GRK2: variants seen among roughly 807,000 people sequenced by gnomAD.
The protein encoded by GRK2 is G protein-coupled receptor kinase 2.
Under a neutral mutation model 97.8 loss-of-function variants are expected in GRK2, and 23 were observed. That is an observed-to-expected ratio of 0.24 (90% CI 0.17 to 0.33). The LOEUF (loss-of-function observed/expected upper bound fraction) is 0.33, where lower values mean the gene tolerates loss of function less well. GRK2 is among the 10% of genes least tolerant of loss of function. GRK2 has a pLI of 1.00. For synonymous variants in GRK2, 425 were observed against 381.7 expected, an observed-to-expected ratio of 1.11 and a Z score of -1.32; for missense variants, 633 against 956.9, an observed-to-expected ratio of 0.66 and a Z score of 4.47.
At chr11:67,274,008 C>A (rs1295974707) in intron 1 of GRK2, among the ~76,000 whole-genome samples, 1 of 147,876 alleles carries the variant, frequency 6.8e-6, no homozygotes, top group Non-Finnish European at 1.5e-5. Context: ...CAAACTGGCA[C>A]CTTTTTTTTT....
chr11:67,283,879 G>A lies in GRK2; in HGVS notation c.1421G>A (p.Arg474Gln), dbSNP rs779178115. ...TACCCTCCCCCGCTGATCCCCCCAC[G>A]AGGGGAGGTGAACGCGGCCGACGCC... ...QKYPPPLIPP[R>Q]GEVNAADAFD... The change falls in exon 17 of 21, where the codon CGA (arginine) becomes CAA (glutamine). Residue 474 changes from arginine to glutamine, a missense_variant. Coordinates refer to ENST00000308595, the MANE Select transcript of GRK2 (RefSeq NM_001619.5). 7 of 1,613,020 alleles carry A rather than the reference G, an allele frequency of 4.3e-6. No individual in the cohort carries two copies. Among genetic ancestry groups the A allele is most frequent in the East Asian group, 4.5e-5 (2 of 44,878 alleles).
intron 2 of GRK2, among the ~76,000 whole-genome samples, chr11:67,277,877 T>A (rs1860068758): frequency 6.6e-6 from 1 of 152,196 alleles, no homozygotes. Context: ...GGGGCAGGTC[T>A]CGGGAAGCAG....
chr11:67,275,334 TG>T (rs895379528), intron 1 of GRK2, among the ~76,000 whole-genome samples: 55 of 152,350 alleles, frequency 3.6e-4, no homozygotes, highest in African/African-American at 1.3e-3. Context: ...CCGCACTGTC[TG>T]GAGCTGCTCT....
Position 67,284,237 on chromosome 11 carries a change from C to T in GRK2, c.1518C>T (p.Tyr506=). ...IKLLDSDQEL[Y]RNFPLTISER... is the part of the protein sequence containing the mutation. Reference sequence around the variant, plus strand: ...TACTGGACAGTGATCAGGAGCTCTACCGCAACTTCCCCCTCACCATCTCGG... The same window carrying T: ...TACTGGACAGTGATCAGGAGCTCTATCGCAACTTCCCCCTCACCATCTCGG... Residue 506 remains tyrosine, a synonymous_variant, in exon 18 of 21, where the codon TAC becomes TAT. Transcript: ENST00000308595. 1 of 1,613,690 alleles carries T rather than the reference C, an allele frequency of 6.2e-7. No individual in the cohort carries two copies. Among genetic ancestry groups the T allele is most frequent in the Non-Finnish European group, 8.5e-7 (1 of 1,180,002 alleles).
intron 1 of GRK2, among the ~76,000 whole-genome samples, chr11:67,272,289 C>T (rs1859927990): frequency 6.6e-6 from 1 of 152,142 alleles, no homozygotes; most frequent in Non-Finnish European, 1.5e-5. Context: ...GGAGGGTGCT[C>T]TAGTGGAGGC....
At chr11:67,267,975 G>A (rs1239139035) in intron 1 of GRK2, among the ~76,000 whole-genome samples, 2 of 152,192 alleles carry the variant, frequency 1.3e-5, no homozygotes, top group East Asian at 1.9e-4. Flanking sequence ...AGACGTGCCC[G>A]CCACGATTCT....
intron 15 of GRK2, 38 bp from the exon 16 acceptor site, chr11:67,283,669 G>C (rs1479539235): frequency 6.2e-7 from 1 of 1,605,040 alleles, no homozygotes; most frequent in Non-Finnish European, 8.5e-7. Context: ...CGGGACTCAG[G>C]GTGGGGCTGA....
intron 6 of GRK2, 83 bp downstream of exon 6, chr11:67,279,983 C>A: frequency 7.0e-7 from 1 of 1,418,998 alleles, no homozygotes; most frequent in Non-Finnish European, 9.9e-7. Context: ...AGGGCAGAAG[C>A]CAGCCTTCAT....
chr11:67,271,902 G>C (rs1029932021), intron 1 of GRK2, among the ~76,000 whole-genome samples: 2 of 152,208 alleles, frequency 1.3e-5, no homozygotes, highest in African/African-American at 4.8e-5. Context: ...TGGTTTCCTG[G>C]AAATGCCACA....
chr11:67,279,876 A>G lies in GRK2; in HGVS notation c.479A>G (p.Asp160Gly), dbSNP rs761569320. The G allele has an allele frequency of 6.2e-7, 1 of 1,613,914 alleles. No individual in the cohort carries two copies. Among genetic ancestry groups the G allele is most frequent in the Admixed American group, 1.7e-5 (1 of 60,024 alleles). ...IEEICQNLRGDVFQKFIESDK... is the reference protein window; with the variant it reads ...IEEICQNLRGGVFQKFIESDK... Reference sequence around the variant, plus strand: ...GAGATTTGTCAAAACCTCCGAGGGGACGTGTTCCAGAAATTCATTGAGAGG... The same window carrying G: ...GAGATTTGTCAAAACCTCCGAGGGGGCGTGTTCCAGAAATTCATTGAGAGG... Residue 160 changes from aspartate to glycine, a missense_variant, in exon 6 of 21, where the codon GAC becomes GGC. Physicochemically the swap from Asp to Gly is moderately conservative, Grantham distance 94. Around this residue, in one of 4 missense-constraint regions of GRK2, gnomAD observed 193 missense variants for 212.2 expected, o/e 0.91. Coordinates refer to ENST00000308595, the MANE Select transcript of GRK2 (RefSeq NM_001619.5).
At position 67,286,459 on chromosome 11, in the gene GRK2, G is replaced by A. The variant is rs1022561615; in HGVS notation, c.*1009G>A. 26 of 700,502 alleles carry A rather than the reference G, an allele frequency of 3.7e-5. No homozygotes were observed. Among genetic ancestry groups the A allele is most frequent in the African/African-American group, 1.2e-4 (7 of 57,172 alleles). 43.4% of individuals were successfully genotyped at this position (700,502 alleles called of 1,614,324 possible). A position where few individuals can be genotyped will look rare whatever the true frequency, so the allele number is the denominator to read the frequency against. On this transcript the variant is annotated 3_prime_UTR_variant, in exon 21 of 21. Transcript: ENST00000308595. The stretch of plus-strand genomic sequence containing the variant: ...CTGGGTTGGCGCACCCTCCCCTCCC[G>A]TCTACTCATTCCCCGGGGCGTTTCT...
intron 1 of GRK2, among the ~76,000 whole-genome samples, chr11:67,274,005 G>C (rs1435177542): frequency 1.3e-5 from 2 of 149,004 alleles, no homozygotes; most frequent in Non-Finnish European, 3.0e-5. Context: ...TGCCAAACTG[G>C]CACCTTTTTT....
In GRK2 at chr11:67,281,364, G is replaced by A; in HGVS notation, c.648-95G>A. 2 of 1,242,616 alleles carry A rather than the reference G, an allele frequency of 1.6e-6. No individual in the cohort carries two copies. Among genetic ancestry groups the A allele is most frequent in the South Asian group, 2.5e-5 (2 of 80,742 alleles). 77.0% of individuals were successfully genotyped at this position (1,242,616 alleles called of 1,614,324 possible). ...CTGTCTCTGATTTGTGTCACACGCTGGTCCTGGGTCTAGTCTTTCCCTCAA... is the reference window on the plus strand; with the variant it reads ...CTGTCTCTGATTTGTGTCACACGCTAGTCCTGGGTCTAGTCTTTCCCTCAA... On this transcript the variant is annotated intron_variant, in intron 8 of 20. Transcript: ENST00000308595. This position sits in a 1 kb window ranked among gnomAD's most constrained non-coding sequence, Gnocchi z 5.7.
intron 1 of GRK2, among the ~76,000 whole-genome samples, chr11:67,268,304 C>T (rs185595489): frequency 5.9e-5 from 9 of 152,308 alleles, no homozygotes; most frequent in African/African-American, 2.2e-4. Flanking sequence ...ATTGACTGAA[C>T]GTCAGGCCTG....
chr11:67,286,302 C>T lies in GRK2; in HGVS notation c.*852C>T, dbSNP rs557994957. ...TATCAGTGTGCCCCCCATCCTGGCC[C>T]ATCAGTGTACCCCCGCCCAGGCTGG... On this transcript the variant is annotated 3_prime_UTR_variant, in exon 21 of 21. Coordinates refer to ENST00000308595, the MANE Select transcript of GRK2 (RefSeq NM_001619.5). 7.2e-5 allele frequency: 47 copies of T among 655,074 alleles called. No individual in the cohort carries two copies. The highest frequency in any genetic ancestry group is 5.3e-4 in the East Asian group (19 of 36,140). The allele number at this position is 655,074 out of a possible 1,614,324, so 40.6% of individuals were successfully genotyped here.
chr11:67,284,811 T>G, intron 18 of GRK2, 36 bp from the exon 19 acceptor site: 1 of 1,602,878 alleles, frequency 6.2e-7, no homozygotes, highest in Non-Finnish European at 8.5e-7. Context: ...GAAACCCAGG[T>G]GGGGCCGGCT....
chr11:67,278,451 C>T (rs1860078812), intron 2 of GRK2, among the ~76,000 whole-genome samples: 1 of 152,218 alleles, frequency 6.6e-6, no homozygotes. Flanking sequence ...CCTTGCCTCT[C>T]CAGTTCCCTG....
Position 67,283,363 on chromosome 11 carries a change from T to C in GRK2, c.1328+135T>C, listed in dbSNP as rs896067931. 9.0e-6 allele frequency: 7 copies of C among 780,660 alleles called. No homozygotes were observed. In the South Asian group the frequency reaches 1.1e-4, roughly 12 times the overall value. 48.4% of individuals were successfully genotyped at this position (780,660 alleles called of 1,614,324 possible). Reference sequence around the variant, plus strand: ...TCATAAGTTGGGGCATGGCCAGCCCTGTCCAATGTTCTCAGAGTGGAGGGG... The same window carrying C: ...TCATAAGTTGGGGCATGGCCAGCCCCGTCCAATGTTCTCAGAGTGGAGGGG... On this transcript the variant is annotated intron_variant, in intron 15 of 20. Transcript: ENST00000308595.
At chr11:67,274,652 C>T (rs1859990574) in intron 1 of GRK2, among the ~76,000 whole-genome samples, 1 of 151,730 alleles carries the variant, frequency 6.6e-6, no homozygotes. Context: ...TGAGGGTCGC[C>T]CAGGGCCCAG....
Sources: gnomAD v4.1 joint callset for allele counts (sites outside exome capture counted in the v4.1 genomes callset) on GRCh38, gnomAD v4.1.1 for gene constraint, gnomAD v4.1.1 regional missense constraint, Gnocchi (gnomAD v3.1) non-coding constraint, MANE v1.5 for transcripts, NCBI Gene and HGNC (gene_info 2026-07-23, HGNC 2026-07-21) for gene names.